The following GLDC variants were observed in gnomAD, a reference collection of about 807,000 sequenced individuals.
The protein encoded by GLDC is glycine decarboxylase, also known as glycine dehydrogenase (decarboxylating), mitochondrial.
A neutral mutation model predicts 121.3 loss-of-function variants in GLDC; 104 were observed. The ratio of observed to expected loss-of-function variants is 0.86; its 90% CI spans 0.73 to 1.01. The LOEUF is 1.01. GLDC is among the 50% of genes least tolerant of loss of function. The pLI is 0.00. For synonymous variants in GLDC, 546 were observed against 480.6 expected (o/e 1.14, Z -1.78); for missense variants, 1,429 against 1,306.6 (o/e 1.09, Z -1.44).
intron 8 of GLDC, among the ~76,000 whole-genome samples, chr9:6,599,730 A>AC (rs1818562996): frequency 1.3e-5 from 2 of 151,636 alleles, no homozygotes; most frequent in South Asian, 4.2e-4. Context: ...CAAAAAAAAA[A>AC]AAAACAACCA....
intron 22 of GLDC, among the ~76,000 whole-genome samples, chr9:6,537,860 CA>C (rs1817168366): frequency 6.6e-6 from 1 of 152,178 alleles, no homozygotes; most frequent in Admixed American, 6.5e-5. Flanking sequence ...CTAGATTCTA[CA>C]ATGCTGTTGT....
At position 6,604,616 on chromosome 9, in the gene GLDC, T is replaced by C; in HGVS notation, c.1030A>G (p.Met344Val). 1.9e-6 allele frequency: 3 copies of C among 1,613,026 alleles called. No homozygotes were observed. The highest frequency in any genetic ancestry group is 2.5e-6 in the Non-Finnish European group (3 of 1,179,940). The change falls in exon 7 of 25, where the codon ATG becomes GTG. Residue 344 changes from methionine to valine, a missense_variant. Met to Val is a conservative substitution (Grantham distance 21, BLOSUM62 1). Coordinates refer to ENST00000321612, the MANE Select transcript of GLDC (RefSeq NM_000170.3). Reference sequence around the variant, plus strand: ...GTTACCCCCACCATTCTTCCAGGCATCATTCTCACCAAGCTTTCTCGGACA... The same window carrying C: ...GTTACCCCCACCATTCTTCCAGGCACCATTCTCACCAAGCTTTCTCGGACA... The part of the protein sequence containing the change: ...FAVRESLVRM[M>V]PGRMVGVTRD...
At chr9:6,535,901 C>A in intron 23 of GLDC, 163 bp downstream of exon 23, 3 of 690,650 alleles carry the variant, frequency 4.3e-6, no homozygotes, top group South Asian at 3.2e-5. Context: ...CTGTTCAAGA[C>A]GATGGAAACT....
intron 21 of GLDC, among the ~76,000 whole-genome samples, chr9:6,549,537 T>G (rs1311179610): frequency 1.3e-5 from 2 of 152,146 alleles, no homozygotes; most frequent in East Asian, 1.9e-4. Flanking sequence ...TCCCTCTTAA[T>G]GTAGCCATCT....
At chr9:6,611,017 C>T (rs138854129) in intron 3 of GLDC, among the ~76,000 whole-genome samples, 115 of 152,294 alleles carry the variant, frequency 7.6e-4, no homozygotes, top group Non-Finnish European at 1.2e-3. Flanking sequence ...AATACTCAAA[C>T]ATTTTATTTA....
intron 20 of GLDC, among the ~76,000 whole-genome samples, chr9:6,551,500 A>G (rs1587920751): frequency 6.6e-6 from 1 of 152,238 alleles, no homozygotes; most frequent in East Asian, 1.9e-4. Context: ...TTCTTCCCAG[A>G]GTACCTCACA....
At chr9:6,590,054 T>TA (rs74342759) in intron 11 of GLDC, among the ~76,000 whole-genome samples, 94 of 142,970 alleles carry the variant, frequency 6.6e-4, no homozygotes, top group East Asian at 1.8e-3. Flanking sequence ...GACTCCATCT[T>TA]AAAAAAAAAA....
intron 2 of GLDC, among the ~76,000 whole-genome samples, chr9:6,634,226 C>T (rs1342472688): frequency 6.6e-6 from 1 of 151,666 alleles, no homozygotes; most frequent in Non-Finnish European, 1.5e-5. Flanking sequence ...GACTCTGTCT[C>T]AAAAAGAAAA....
chr9:6,585,170 G>A (rs578239793), intron 15 of GLDC: 1 of 152,308 alleles, frequency 6.6e-6, no homozygotes, highest in African/African-American at 2.4e-5. Context: ...GTAAACCACT[G>A]CTTTAAGAAG....
chr9:6,592,916 C>T lies in GLDC; in HGVS notation c.1336G>A (p.Val446Met). 1 of 1,614,074 alleles carries T rather than the reference C, an allele frequency of 6.2e-7. No homozygotes were observed. Among genetic ancestry groups the T allele is most frequent in the African/African-American group, 1.3e-5 (1 of 75,072 alleles). Residue 446 changes from valine (V) to methionine (M), a missense_variant, in exon 10 of 25, where the codon GTG (valine) becomes ATG (methionine). Coordinates refer to ENST00000321612, the MANE Select transcript of GLDC (RefSeq NM_000170.3). Reference sequence around the variant, plus strand: ...GCGGCCCTGCCCAAGACCTCCTTCACTGAGCAGCCACACTGAATCTTCAAG... The same window carrying T: ...GCGGCCCTGCCCAAGACCTCCTTCATTGAGCAGCCACACTGAATCTTCAAG... ...DTLKIQCGCS[V>M]KEVLGRAAQR...
chr9:6,570,630 G>A (rs1419059334), intron 15 of GLDC, among the ~76,000 whole-genome samples: 1 of 152,136 alleles, frequency 6.6e-6, no homozygotes, highest in Non-Finnish European at 1.5e-5. Context: ...GAGACGGGCA[G>A]ATCACCTGAG....
intron 2 of GLDC, among the ~76,000 whole-genome samples, chr9:6,627,444 C>G (rs2129973653): frequency 6.6e-6 from 1 of 152,178 alleles, no homozygotes; most frequent in African/African-American, 2.4e-5. Flanking sequence ...TAGGACCACC[C>G]AAACTTCTCA....
At chr9:6,576,237 T>C (rs959440714) in intron 15 of GLDC, among the ~76,000 whole-genome samples, 1 of 152,172 alleles carries the variant, frequency 6.6e-6, no homozygotes, top group Non-Finnish European at 1.5e-5. Context: ...ATGTCCAAGA[T>C]CCTAGAAGCC....
intron 21 of GLDC, among the ~76,000 whole-genome samples, chr9:6,550,413 G>A (rs1817487922): frequency 6.6e-6 from 1 of 152,068 alleles, no homozygotes; most frequent in Admixed American, 6.6e-5. Context: ...GATCACCTGA[G>A]GTCAGGAGTT....
chr9:6,538,997 CAT>C (rs1817196477), intron 22 of GLDC, among the ~76,000 whole-genome samples: 1 of 151,988 alleles, frequency 6.6e-6, no homozygotes, highest in African/African-American at 2.4e-5. Flanking sequence ...GAGTCACACA[CAT>C]GGGATTCCCA....
At chr9:6,614,452 T>C (rs1333969639) in intron 3 of GLDC, among the ~76,000 whole-genome samples, 1 of 151,744 alleles carries the variant, frequency 6.6e-6, no homozygotes, top group Non-Finnish European at 1.5e-5. Context: ...GCCAGGCTGG[T>C]CTCAAACTCC....
At chr9:6,570,377 G>T (rs897690693) in intron 15 of GLDC, among the ~76,000 whole-genome samples, 2 of 152,130 alleles carry the variant, frequency 1.3e-5, no homozygotes, top group African/African-American at 4.8e-5. Flanking sequence ...TAAATATCTA[G>T]ATTGACCATA....
At chr9:6,558,308 C>A in intron 17 of GLDC, 1 of 608,150 alleles carries the variant, frequency 1.6e-6, no homozygotes, top group Non-Finnish European at 2.9e-6. Context: ...AAGAGGCAGG[C>A]AGGTTCTGCA....
intron 8 of GLDC, among the ~76,000 whole-genome samples, chr9:6,596,813 A>G (rs570887038): frequency 2.0e-5 from 3 of 152,370 alleles, no homozygotes; most frequent in African/African-American, 7.2e-5. Context: ...TAATGCAGCC[A>G]CTTTGAAAAA....
Sources: gnomAD v4.1 joint callset for allele counts (sites outside exome capture counted in the v4.1 genomes callset) on GRCh38, gnomAD v4.1.1 for gene constraint, MANE v1.5 for transcripts, NCBI Gene and HGNC (gene_info 2026-07-23, HGNC 2026-07-21) for gene names.